The following EDRF1 variants were observed in gnomAD, a reference collection of about 807,000 sequenced individuals.
EDRF1 encodes the protein erythroid differentiation-related factor 1.
In EDRF1, 69 loss-of-function variants were observed where a neutral mutation model predicts 148.7. The ratio of observed to expected loss-of-function variants is 0.46; its 90% CI spans 0.38 to 0.57. The LOEUF (loss-of-function observed/expected upper bound fraction) is 0.57, where lower values mean the gene tolerates loss of function less well. EDRF1 is among the 20% of genes least tolerant of loss of function. EDRF1 has a pLI of 0.00. For missense variants in EDRF1, 1,118 were observed against 1,478.7 expected, an observed-to-expected ratio of 0.76 and a Z score of 4.00; for synonymous variants, 515 against 532.8, an observed-to-expected ratio of 0.97 and a Z score of 0.46.
intron 22 of EDRF1, among the ~76,000 whole-genome samples, chr10:125,750,857 T>C (rs1278396365): frequency 3.9e-5 from 6 of 152,058 alleles, no homozygotes; most frequent in Admixed American, 3.9e-4. Context: ...TTGGGGAGAG[T>C]GATCTTCAGT....
In EDRF1 at chr10:125,747,697, GATA is replaced by G. The variant is rs564480933; in HGVS notation, c.2973+7_2973+9del. On this transcript the variant is annotated splice_donor_5th_base_variant and intron_variant, in intron 20 of 24. Coordinates refer to ENST00000356792, the MANE Select transcript of EDRF1 (RefSeq NM_001202438.2). ...TATCTAGAAAAGCTCAGGAGCAGGT[GATA>G]ATATTTGCTGGAGTATAAAATAAGT... 1.2e-6 allele frequency: 2 copies of G among 1,614,138 alleles called. No individual in the cohort carries two copies. The highest frequency in any genetic ancestry group is 2.7e-5 in the African/African-American group (2 of 75,052).
At chr10:125,721,077 T>C in intron 1 of EDRF1, 127 bp from the exon 2 acceptor site, 2 of 858,566 alleles carry the variant, frequency 2.3e-6, no homozygotes, top group Non-Finnish European at 3.9e-6. Context: ...TATTAAGTGC[T>C]GTTAGTAACA....
intron 2 of EDRF1, among the ~76,000 whole-genome samples, chr10:125,722,292 G>A (rs1387498236): frequency 6.6e-6 from 1 of 152,174 alleles, no homozygotes. Flanking sequence ...GTATTTATAT[G>A]CTTATCTCAT....
chr10:125,756,556 A>G (rs956213986), intron 24 of EDRF1, among the ~76,000 whole-genome samples: 9 of 151,990 alleles, frequency 5.9e-5, no homozygotes, highest in African/African-American at 2.2e-4. Context: ...ACGCTTATGG[A>G]TTTATCTGTT....
In EDRF1 at chr10:125,749,543, A is replaced by T; in HGVS notation, c.3255A>T (p.Ala1085=). The change falls in exon 22 of 25, where the codon GCA becomes GCT. Residue 1085 remains alanine, a synonymous_variant. Transcript: ENST00000356792. ...ELLRVQLERV[A]FAEFQMTSQN... Reference sequence around the variant, plus strand: ...TTAGAGTACAGCTAGAGAGAGTAGCATTTGCTGAATTTCAGATGACCAGTA... The same window carrying T: ...TTAGAGTACAGCTAGAGAGAGTAGCTTTTGCTGAATTTCAGATGACCAGTA... The T allele has an allele frequency of 6.2e-7, 1 of 1,614,132 alleles. No individual in the cohort carries two copies. Among genetic ancestry groups the T allele is most frequent in the East Asian group, 2.2e-5 (1 of 44,890 alleles).
intron 8 of EDRF1, among the ~76,000 whole-genome samples, chr10:125,729,907 C>G (rs1006738563): frequency 6.6e-6 from 1 of 152,206 alleles, no homozygotes; most frequent in Non-Finnish European, 1.5e-5. Flanking sequence ...GAGCATTTTT[C>G]TTAATGCTCC....
In EDRF1 at chr10:125,734,075, T is replaced by C. The variant is rs746477711; in HGVS notation, c.1389T>C (p.Val463=). The change falls in exon 12 of 25, where the codon GTT becomes GTC. Residue 463 remains valine, a synonymous_variant. Transcript: ENST00000356792. The part of the protein sequence containing the change: ...TMPVAILLYK[V]ACNMMMKKNQ... ...TTGATATAAACTCTTTTTTTAGGGTTGCTTGCAACATGATGATGAAGAAGA... is the reference window on the plus strand; with the variant it reads ...TTGATATAAACTCTTTTTTTAGGGTCGCTTGCAACATGATGATGAAGAAGA... The C allele has an allele frequency of 1.2e-6, 2 of 1,612,192 alleles. No homozygotes were observed.
chr10:125,756,324 C>T (rs902385915), intron 24 of EDRF1, among the ~76,000 whole-genome samples: 2 of 152,104 alleles, frequency 1.3e-5, no homozygotes, highest in African/African-American at 2.4e-5. Flanking sequence ...TCTTCTTTCA[C>T]GTTTGTGTAG....
chr10:125,752,032 A>C (rs1849671166), intron 22 of EDRF1: 1 of 152,306 alleles, frequency 6.6e-6, no homozygotes, highest in African/African-American at 2.4e-5. Flanking sequence ...TCAGATAGAC[A>C]TGGTTGACTG....
In EDRF1 at chr10:125,763,375, A is replaced by G. The variant is rs779140410; in HGVS notation, c.3620A>G (p.Asn1207Ser). The G allele has an allele frequency of 1.5e-5, 25 of 1,613,456 alleles. No individual in the cohort carries two copies. Among genetic ancestry groups the G allele is most frequent in the Non-Finnish European group, 2.0e-5 (24 of 1,180,050 alleles). ...IYSQLLRATA[N>S]KTATLLERIN... ...TCCCAGCTTTTGAGAGCAACTGCAA[A>G]TAAAACCGCGACTCTTCTGGAAAGA... Residue 1207 changes from asparagine (N) to serine (S), a missense_variant, in exon 25 of 25, where the codon AAT (asparagine) becomes AGT (serine). Physicochemically the swap from Asn to Ser is conservative, Grantham distance 46. Around this residue, in one of 3 missense-constraint regions of EDRF1, gnomAD observed 954 missense variants for 1,241.4 expected, o/e 0.77. Transcript: ENST00000356792. This position sits in a 1 kb window ranked among gnomAD's most constrained non-coding sequence, Gnocchi z 4.3.
chr10:125,735,416 G>A lies in EDRF1; in HGVS notation c.1498-228G>A, dbSNP rs541739037. On this transcript the variant is annotated intron_variant, in intron 12 of 24. Coordinates refer to ENST00000356792, the MANE Select transcript of EDRF1 (RefSeq NM_001202438.2). ...GACACCTTTTAAGAGGGAGGGCTCA[G>A]GGTGGAGTAATTTCGGGAAATAGGA... 2.6e-5 allele frequency among the ~76,000 whole-genome samples: 4 copies of A among 152,216 alleles called. No individual in the cohort carries two copies. The East Asian group carries it at 7.7e-4, about 29-fold the overall frequency.
In EDRF1 at chr10:125,745,513, A is replaced by G. The variant is rs1042872541; in HGVS notation, c.2591-194A>G. On this transcript the variant is annotated intron_variant, in intron 18 of 24. Coordinates refer to ENST00000356792, the MANE Select transcript of EDRF1 (RefSeq NM_001202438.2). ...AGGAACTAGGGGTTAGGGCTTCAAC[A>G]TATGAACTCATATGGACACGTTTAC... is the stretch of plus-strand genomic sequence containing the variant. 30 of 621,242 alleles carry G rather than the reference A, an allele frequency of 4.8e-5. 1 individual carries two copies. In the South Asian group the frequency reaches 5.3e-4, roughly 11 times the overall value. The allele number at this position is 621,242 out of a possible 1,614,324, so 38.5% of individuals were successfully genotyped here.
chr10:125,735,194 GGTT>G (rs1394152320), intron 12 of EDRF1, among the ~76,000 whole-genome samples: 3 of 77,954 alleles, frequency 3.8e-5, no homozygotes, highest in Non-Finnish European at 6.2e-5. Context: ...TTAATGTAAT[GGTT>G]TTTTTTTTCT....
intron 18 of EDRF1, among the ~76,000 whole-genome samples, chr10:125,744,250 A>ATTCTTTTT (rs1849210036): frequency 7.1e-6 from 1 of 140,548 alleles, no homozygotes. Flanking sequence ...ACAGGGTTTT[A>ATTCTTTTT]CTCTGTCGCG....
intron 12 of EDRF1, among the ~76,000 whole-genome samples, chr10:125,734,895 C>T (rs1417255154): frequency 1.3e-5 from 2 of 152,004 alleles, no homozygotes; most frequent in African/African-American, 4.8e-5. Context: ...TTTGAAGAGC[C>T]AAAGTAATTT....
chr10:125,752,729 A>T, intron 22 of EDRF1, 70 bp from the exon 23 acceptor site: 1 of 1,022,032 alleles, frequency 9.8e-7, no homozygotes, highest in Non-Finnish European at 1.5e-6. Flanking sequence ...AATTTTCATT[A>T]ATACATTAAC....
chr10:125,725,538 CT>C (rs1848217511), intron 5 of EDRF1, 96 bp downstream of exon 5: 2 of 1,571,668 alleles, frequency 1.3e-6, no homozygotes, highest in Non-Finnish European at 1.7e-6. Context: ...AGTTTTGCCC[CT>C]GTGATACTGT....
intron 1 of EDRF1, among the ~76,000 whole-genome samples, chr10:125,720,726 G>C (rs1284645632): frequency 6.6e-6 from 1 of 151,318 alleles, no homozygotes; most frequent in Non-Finnish European, 1.5e-5. Context: ...CAGGAGAATG[G>C]CGTAAACCCC....
intron 17 of EDRF1, chr10:125,742,623 T>A: frequency 1.0e-6 from 1 of 985,424 alleles, no homozygotes; most frequent in Non-Finnish European, 1.2e-6. Flanking sequence ...TTTACTCTAG[T>A]CCCCACTAGA....
Sources: allele counts gnomAD v4.1 joint callset (sites outside exome capture counted in the v4.1 genomes callset), GRCh38; gene constraint gnomAD v4.1.1; regional missense constraint gnomAD v4.1.1; non-coding constraint Gnocchi (gnomAD v3.1); transcripts MANE v1.5; gene names NCBI Gene and HGNC (gene_info 2026-07-23, HGNC 2026-07-21).